The following PDE5A variants were observed in gnomAD, a reference collection of about 807,000 sequenced individuals.
The protein encoded by PDE5A is phosphodiesterase 5A, also known as cGMP-specific 3',5'-cyclic phosphodiesterase.
In PDE5A, 67 loss-of-function variants were observed where a neutral mutation model predicts 110.2. That is an observed-to-expected ratio of 0.61 (90% CI 0.50 to 0.75). The LOEUF is 0.75. Among genes scored for constraint, PDE5A ranks in the 30% least tolerant of loss-of-function variants. PDE5A has a pLI of 0.00. For synonymous variants in PDE5A, 328 were observed against 351.2 expected (o/e 0.93, Z 0.74); for missense variants, 862 against 1,045.1 (o/e 0.82, Z 2.42).
chr4:119,594,002 G>T (rs1214425738), intron 3 of PDE5A, among the ~76,000 whole-genome samples: 1 of 152,100 alleles, frequency 6.6e-6, no homozygotes, highest in African/African-American at 2.4e-5. Context: ...ACGCCCACAT[G>T]ATCCAATTAC....
At chr4:119,545,263 CT>C (rs1220439938) in intron 9 of PDE5A, among the ~76,000 whole-genome samples, 2 of 152,018 alleles carry the variant, frequency 1.3e-5, no homozygotes, top group Non-Finnish European at 2.9e-5. Flanking sequence ...TTTAAGAAAA[CT>C]AAAAACCTGG....
At chr4:119,512,098 A>C (rs1484023961) in intron 14 of PDE5A, among the ~76,000 whole-genome samples, 1 of 152,096 alleles carries the variant, frequency 6.6e-6, no homozygotes, top group African/African-American at 2.4e-5. Context: ...CTGAACGATT[A>C]TTTTACTTTG....
At chr4:119,520,848 C>T in intron 13 of PDE5A, 87 bp downstream of exon 13, 2 of 1,117,806 alleles carry the variant, frequency 1.8e-6, no homozygotes, top group South Asian at 1.6e-5. Flanking sequence ...TCATTGTGCA[C>T]CTTAAAGTGA....
At chr4:119,511,651 G>GTA (rs1725747617) in intron 14 of PDE5A, among the ~76,000 whole-genome samples, 1 of 152,088 alleles carries the variant, frequency 6.6e-6, no homozygotes, top group Admixed American at 6.6e-5. Context: ...AAGAAAAAGA[G>GTA]GGATAGTCAG....
At chr4:119,597,895 T>C (rs889719208) in intron 2 of PDE5A, among the ~76,000 whole-genome samples, 1 of 152,010 alleles carries the variant, frequency 6.6e-6, no homozygotes, top group African/African-American at 2.4e-5. Context: ...TCAATATAAA[T>C]ATTTTATATT....
Position 119,502,370 on chromosome 4 carries a change from A to G in PDE5A, c.2406+211T>C, listed in dbSNP as rs538922331. 14 of 387,484 alleles carry G rather than the reference A, an allele frequency of 3.6e-5. No homozygotes were observed. The South Asian group carries it at 7.5e-4, about 21-fold the overall frequency. 24.0% of individuals were successfully genotyped at this position (387,484 alleles called of 1,614,324 possible). On this transcript the variant is annotated intron_variant, in intron 19 of 20. Coordinates refer to ENST00000354960, the MANE Select transcript of PDE5A (RefSeq NM_001083.4). ...AACAAATTACAAAGAACACTGATAC[A>G]ATATGATGAACCCAAGAGTCTTTAT...
chr4:119,530,378 G>C (rs1045262213), intron 11 of PDE5A, among the ~76,000 whole-genome samples: 3 of 152,080 alleles, frequency 2.0e-5, no homozygotes, highest in African/African-American at 7.2e-5. Flanking sequence ...TTATCCTACA[G>C]GTTGGTGAAT....
At chr4:119,528,578 G>A (rs1726410740) in intron 11 of PDE5A, among the ~76,000 whole-genome samples, 1 of 152,072 alleles carries the variant, frequency 6.6e-6, no homozygotes, top group African/African-American at 2.4e-5. Flanking sequence ...GTCGGCTATT[G>A]GGGGTGCTAG....
Position 119,511,054 on chromosome 4 carries a change from T to C in PDE5A, c.2081A>G (p.Asn694Ser). 6.3e-7 allele frequency: 1 copy of C among 1,584,986 alleles called. No homozygotes were observed. The highest frequency in any genetic ancestry group is 8.7e-7 in the Non-Finnish European group (1 of 1,155,226). The change falls in exon 15 of 21, where the codon AAT becomes AGT. Residue 694 changes from asparagine to serine, a missense_variant. Asn to Ser is a conservative substitution (Grantham distance 46). Transcript: ENST00000354960. ...HHFDQCLMIL[N>S]SPGNQILSGL... ...AATAAATTAGGTACTTACTGGACTATTAAGAATCATCAGGCACTGGTCAAA... is the reference window on the plus strand; with the variant it reads ...AATAAATTAGGTACTTACTGGACTACTAAGAATCATCAGGCACTGGTCAAA...
intron 3 of PDE5A, among the ~76,000 whole-genome samples, chr4:119,572,325 G>C (rs1262579129): frequency 6.6e-6 from 1 of 152,118 alleles, no homozygotes; most frequent in Non-Finnish European, 1.5e-5. Flanking sequence ...TGATGATAAT[G>C]GGAAAAATGC....
intron 13 of PDE5A, among the ~76,000 whole-genome samples, chr4:119,520,676 A>G (rs963113929): frequency 6.6e-6 from 1 of 152,116 alleles, no homozygotes; most frequent in Non-Finnish European, 1.5e-5. Context: ...ATTTGCCCAA[A>G]GACTATTTAC....
At chr4:119,559,446 C>T (rs1304389503) in intron 7 of PDE5A, among the ~76,000 whole-genome samples, 2 of 151,638 alleles carry the variant, frequency 1.3e-5, no homozygotes, top group African/African-American at 4.8e-5. Flanking sequence ...TCCTATTGTC[C>T]CATGGAGGTA....
intron 18 of PDE5A, among the ~76,000 whole-genome samples, chr4:119,503,602 A>G (rs1725450391): frequency 6.6e-6 from 1 of 152,186 alleles, no homozygotes; most frequent in African/African-American, 2.4e-5. Flanking sequence ...GAAACAAGTA[A>G]GCCAGAAGTA....
At position 119,603,300 on chromosome 4, in the gene PDE5A, G is replaced by A. The variant is rs552583258; in HGVS notation, c.741+3409C>T. ...CTACTCAGGACCATAGCCACTTCTC[G>A]TGCAGTTGAAGTGAGTGGATCAGCT... On this transcript the variant is annotated intron_variant, in intron 2 of 20. Transcript: ENST00000354960. Among the ~76,000 whole-genome samples, 6 of 152,264 alleles carry A rather than the reference G, an allele frequency of 3.9e-5. No homozygotes were observed. The East Asian group carries it at 1.2e-3, about 29-fold the overall frequency.
At chr4:119,619,660 C>T (rs192744122) in intron 1 of PDE5A, among the ~76,000 whole-genome samples, 143 of 152,284 alleles carry the variant, frequency 9.4e-4, no homozygotes, top group African/African-American at 3.3e-3. Context: ...AAGGAAATGC[C>T]TATCAAAGTT....
intron 20 of PDE5A, 79 bp downstream of exon 20, chr4:119,501,091 T>TAATA: frequency 1.2e-6 from 1 of 824,502 alleles, no homozygotes; most frequent in Non-Finnish European, 2.0e-6. Flanking sequence ...TATAGGCGCC[T>TAATA]AATATTAATC....
At chr4:119,575,354 C>T (rs545625427) in intron 3 of PDE5A, among the ~76,000 whole-genome samples, 3 of 152,028 alleles carry the variant, frequency 2.0e-5, no homozygotes, top group East Asian at 1.9e-4. Context: ...AGATACTCCT[C>T]GAGAAGAGCA....
In PDE5A at chr4:119,542,646, C is replaced by T. The variant is rs753336150; in HGVS notation, c.1397-12G>A. On this transcript the variant is annotated splice_polypyrimidine_tract_variant and intron_variant, in intron 9 of 20. Transcript: ENST00000354960. Reference sequence around the variant, plus strand: ...AAGTTGGCAAACCCCTATAACAATCCGAGAAATTGAGCAAATGTTATTGTT... The same window carrying T: ...AAGTTGGCAAACCCCTATAACAATCTGAGAAATTGAGCAAATGTTATTGTT... 5.6e-6 allele frequency: 9 copies of T among 1,606,676 alleles called. No homozygotes were observed. Among genetic ancestry groups the T allele is most frequent in the South Asian group, 2.2e-5 (2 of 90,578 alleles).
chr4:119,609,890 A>G (rs1026761093), intron 1 of PDE5A, among the ~76,000 whole-genome samples: 3 of 152,206 alleles, frequency 2.0e-5, no homozygotes, highest in Non-Finnish European at 4.4e-5. Flanking sequence ...CCTTAAATAC[A>G]TAAAATTCTT....
Sources: allele counts gnomAD v4.1 joint callset (sites outside exome capture counted in the v4.1 genomes callset), GRCh38; gene constraint gnomAD v4.1.1; transcripts MANE v1.5; gene names NCBI Gene and HGNC (gene_info 2026-07-23, HGNC 2026-07-21).